Variants in OR1F1 observed in about 807,000 individuals in gnomAD.
OR1F1 encodes olfactory receptor family 1 subfamily F member 1, also known as olfactory receptor 1F1.
For missense variants in OR1F1, 493 were observed against 376.3 expected (o/e 1.31, Z -2.57); for synonymous variants, 184 against 156.7 (o/e 1.17, Z -1.30).
the OR1F1 span, chr16:3,189,672 C>A: frequency 3.9e-5 from 6 of 151,912 alleles, no homozygotes; most frequent in East Asian, 3.9e-4. Context: ...GCTTAGGGTG[C>A]GAGAGGTCCC....
the OR1F1 span, among the ~76,000 whole-genome samples, chr16:3,192,751 G>A: frequency 6.6e-6 from 1 of 151,976 alleles, no homozygotes; most frequent in South Asian, 2.1e-4. Flanking sequence ...TCCGTGTCCC[G>A]GACGTTGGCC....
chr16:3,201,393 C>G (rs1958133609), upstream of OR1F1, among the ~76,000 whole-genome samples: 1 of 152,130 alleles, frequency 6.6e-6, no homozygotes, highest in African/African-American at 2.4e-5. Flanking sequence ...GGGGAACAAC[C>G]CAACTGTTTT....
chr16:3,193,246 G>A, the OR1F1 span, among the ~76,000 whole-genome samples: 319 of 152,290 alleles, frequency 2.1e-3, 1 homozygote, highest in Non-Finnish European at 3.9e-3. Flanking sequence ...CTTTTGTCAT[G>A]CCCTGGACCC....
chr16:3,193,621 G>A, the OR1F1 span, among the ~76,000 whole-genome samples: 2 of 152,004 alleles, frequency 1.3e-5, no homozygotes, highest in Admixed American at 6.6e-5. Context: ...TTTTGAGACA[G>A]GATCTCACTC....
At chr16:3,196,214 C>T in the OR1F1 span, among the ~76,000 whole-genome samples, 1 of 152,316 alleles carries the variant, frequency 6.6e-6, no homozygotes, top group South Asian at 2.1e-4. Flanking sequence ...GGTTTGAGCC[C>T]TGTGTTGAGC....
At chr16:3,199,048 G>A in the OR1F1 span, among the ~76,000 whole-genome samples, 1 of 145,772 alleles carries the variant, frequency 6.9e-6, no homozygotes, top group African/African-American at 2.5e-5. Flanking sequence ...AGAGGCCAGG[G>A]CAGGAGGATC....
At chr16:3,205,291 T>C (rs752200254), downstream of OR1F1, 44 of 760,170 alleles carry the variant, frequency 5.8e-5, no homozygotes, top group Non-Finnish European at 8.7e-5. Flanking sequence ...AGTGACACAC[T>C]TAGTAATTAT....
chr16:3,198,759 A>G, the OR1F1 span, among the ~76,000 whole-genome samples: 5 of 151,956 alleles, frequency 3.3e-5, no homozygotes, highest in Admixed American at 1.3e-4. Context: ...GAGGCGAGGC[A>G]GGAGGATCAC....
chr16:3,202,492 TCTC>T (rs1289379369), upstream of OR1F1, among the ~76,000 whole-genome samples: 1 of 152,058 alleles, frequency 6.6e-6, no homozygotes, highest in Non-Finnish European at 1.5e-5. Flanking sequence ...CAGTGTCCAT[TCTC>T]CTCCTCCTCC....
At chr16:3,195,183 C>G in the OR1F1 span, among the ~76,000 whole-genome samples, 1 of 152,230 alleles carries the variant, frequency 6.6e-6, no homozygotes, top group South Asian at 2.1e-4. Context: ...GCGCTCTCCC[C>G]CCAACCGTTC....
At chr16:3,194,965 G>T in the OR1F1 span, among the ~76,000 whole-genome samples, 3 of 152,206 alleles carry the variant, frequency 2.0e-5, no homozygotes, top group African/African-American at 7.2e-5. Flanking sequence ...AGACCTCGAG[G>T]GTGGAGTCTT....
downstream of OR1F1, among the ~76,000 whole-genome samples, chr16:3,206,482 A>G (rs996197284): frequency 2.0e-5 from 3 of 152,134 alleles, no homozygotes; most frequent in East Asian, 1.9e-4. Flanking sequence ...AGTCCTTAAT[A>G]AAAACCTCCT....
At chr16:3,191,768 C>T in the OR1F1 span, among the ~76,000 whole-genome samples, 1 of 148,282 alleles carries the variant, frequency 6.7e-6, no homozygotes, top group Admixed American at 6.8e-5. Context: ...CAGCCAGGGG[C>T]AGAGGGGCGG....
chr16:3,204,138 C>G (rs914607050), upstream of OR1F1: 1 of 767,256 alleles, frequency 1.3e-6, no homozygotes, highest in Non-Finnish European at 2.1e-6. Context: ...TCATTTACAT[C>G]CTGCAAGCAA....
chr16:3,188,553 G>A, the OR1F1 span: 1 of 152,296 alleles, frequency 6.6e-6, no homozygotes, highest in African/African-American at 2.4e-5. Flanking sequence ...GAGAAGGGAG[G>A]GGAGTGAGTG....
chr16:3,202,175 G>T (rs1466975893), upstream of OR1F1, among the ~76,000 whole-genome samples: 1 of 152,174 alleles, frequency 6.6e-6, no homozygotes, highest in Non-Finnish European at 1.5e-5. Context: ...TTGGTAGAGG[G>T]AAGTTTCATG....
the OR1F1 span, among the ~76,000 whole-genome samples, chr16:3,190,794 A>C: frequency 1.3e-5 from 2 of 151,974 alleles, no homozygotes; most frequent in South Asian, 4.2e-4. Flanking sequence ...TATCATGAAC[A>C]ACAAGTCATC....
the OR1F1 span, among the ~76,000 whole-genome samples, chr16:3,191,985 C>A: frequency 6.6e-6 from 1 of 152,210 alleles, no homozygotes; most frequent in African/African-American, 2.4e-5. Context: ...GGGCCTGCTG[C>A]TGTGGCTCGT....
At chr16:3,198,182 A>T in the OR1F1 span, among the ~76,000 whole-genome samples, 1 of 151,598 alleles carries the variant, frequency 6.6e-6, no homozygotes, top group African/African-American at 2.4e-5. Flanking sequence ...AGAGAGAGAG[A>T]TTATAAGGAA....
Sources: allele counts gnomAD v4.1 joint callset (sites outside exome capture counted in the v4.1 genomes callset), GRCh38; gene constraint gnomAD v4.1.1; transcripts MANE v1.5; gene names NCBI Gene and HGNC (gene_info 2026-07-23, HGNC 2026-07-21).